MS4A13: variants seen among roughly 807,000 people sequenced by gnomAD.
The protein encoded by MS4A13 is membrane-spanning 4-domains subfamily A member 13.
In MS4A13, 21 loss-of-function variants were observed where a neutral mutation model predicts 18.4. That is an observed-to-expected ratio of 1.14 (90% CI 0.81 to 1.64). MS4A13 has a LOEUF of 1.64. Among genes scored for constraint, MS4A13 ranks in the 40% most tolerant of loss-of-function variants. The pLI is 0.00. For synonymous variants in MS4A13, 62 were observed against 57.2 expected (o/e 1.08, Z -0.38); for missense variants, 173 against 176.8 (o/e 0.98, Z 0.12).
At chr11:60,519,389 T>C (rs894351372) in intron 3 of MS4A13, among the ~76,000 whole-genome samples, 5 of 151,864 alleles carry the variant, frequency 3.3e-5, no homozygotes, top group Non-Finnish European at 7.4e-5. Context: ...TGATAGGATG[T>C]TGGAAGCCTG....
intron 6 of MS4A13, among the ~76,000 whole-genome samples, chr11:60,532,414 C>CG (rs1193768718): frequency 1.3e-5 from 2 of 152,154 alleles, no homozygotes; most frequent in East Asian, 1.9e-4. Context: ...GGGTGACGGA[C>CG]GCACCTGGAA....
rs1287308826 is a variant in MS4A13, at chr11:60,535,363, A to C, written c.402+5903A>C. ...GGATATCACCACCAATCCCACAGAA[A>C]TACAAACTACCATCAGAGAATACTA... is the stretch of plus-strand genomic sequence containing the variant. On this transcript the variant is annotated intron_variant, in intron 6 of 6. Transcript: ENST00000378186. Among the ~76,000 whole-genome samples, 24 of 89,454 alleles carry C rather than the reference A, an allele frequency of 2.7e-4. 1 individual carries two copies. The highest frequency in any genetic ancestry group is 1.1e-3 in the African/African-American group (23 of 20,838). 58.7% of individuals were successfully genotyped at this position (89,454 alleles called of 152,430 possible). A position where few individuals can be genotyped will look rare whatever the true frequency, so the allele number is the denominator to read the frequency against.
intron 3 of MS4A13, among the ~76,000 whole-genome samples, chr11:60,519,764 G>A (rs1272574984): frequency 6.6e-6 from 1 of 152,142 alleles, no homozygotes; most frequent in Non-Finnish European, 1.5e-5. Context: ...AGTGGATATA[G>A]GGCAGTGTTT....
chr11:60,520,937 T>C (rs1590870949), intron 3 of MS4A13, among the ~76,000 whole-genome samples: 1 of 152,244 alleles, frequency 6.6e-6, no homozygotes, highest in Non-Finnish European at 1.5e-5. Context: ...CAGTTCCATA[T>C]ATCCTCTGAA....
intron 6 of MS4A13, among the ~76,000 whole-genome samples, chr11:60,531,281 G>GT (rs1423283800): frequency 1.3e-5 from 2 of 152,170 alleles, no homozygotes; most frequent in African/African-American, 4.8e-5. Flanking sequence ...CACAATACTT[G>GT]TTGGGGCAAA....
intron 2 of MS4A13, among the ~76,000 whole-genome samples, chr11:60,516,376 T>C (rs1183620165): frequency 6.6e-6 from 1 of 152,210 alleles, no homozygotes; most frequent in Non-Finnish European, 1.5e-5. Context: ...AGGATGATTA[T>C]AAATTTGTCT....
chr11:60,542,263 A>G (rs889221247), intron 6 of MS4A13, among the ~76,000 whole-genome samples: 8 of 145,998 alleles, frequency 5.5e-5, no homozygotes, highest in Non-Finnish European at 1.0e-4. Flanking sequence ...AGAAAGAAAG[A>G]AAGAAAAAGG....
intron 6 of MS4A13, among the ~76,000 whole-genome samples, chr11:60,536,417 C>G (rs1297644859): frequency 1.9e-5 from 1 of 51,438 alleles, no homozygotes; most frequent in Non-Finnish European, 4.0e-5. Context: ...AGTGAAATCA[C>G]ATTCACAATT....
intron 6 of MS4A13, among the ~76,000 whole-genome samples, chr11:60,531,947 C>T (rs943973738): frequency 2.0e-5 from 3 of 152,156 alleles, no homozygotes; most frequent in African/African-American, 7.2e-5. Flanking sequence ...ACTGGTATTG[C>T]TAACCACCAC....
chr11:60,538,298 AG>A (rs1215019985), intron 6 of MS4A13, among the ~76,000 whole-genome samples: 1 of 151,902 alleles, frequency 6.6e-6, no homozygotes, highest in African/African-American at 2.4e-5. Flanking sequence ...TGTTGATCAA[AG>A]GCCATACAGT....
intron 6 of MS4A13, among the ~76,000 whole-genome samples, chr11:60,539,503 A>G (rs577615952): frequency 1.8e-4 from 27 of 152,168 alleles, no homozygotes; most frequent in South Asian, 1.0e-3. Context: ...ATACCATCAC[A>G]TGTATAATGG....
chr11:60,517,007 T>TAA (rs541112157), intron 2 of MS4A13, among the ~76,000 whole-genome samples: 33 of 134,580 alleles, frequency 2.5e-4, no homozygotes, highest in Admixed American at 8.9e-4. Context: ...GATAAAACAA[T>TAA]AAAAAAAAAA....
chr11:60,527,445 T>TGTGTGTGTGTGTGTGTG (rs2086726963), intron 5 of MS4A13, among the ~76,000 whole-genome samples: 5 of 149,418 alleles, frequency 3.3e-5, no homozygotes, highest in South Asian at 2.1e-4. Context: ...TGTGTGTGTG[T>TGTGTGTGTGTGTGTGTG]TTCCGTTTCC....
chr11:60,531,998 T>A (rs1006607577), intron 6 of MS4A13, among the ~76,000 whole-genome samples: 38 of 152,298 alleles, frequency 2.5e-4, no homozygotes, highest in Admixed American at 2.4e-3. Context: ...ATTGCTACCA[T>A]ATATTATCTA....
chr11:60,531,449 G>C (rs746634838), intron 6 of MS4A13, among the ~76,000 whole-genome samples: 2 of 152,210 alleles, frequency 1.3e-5, no homozygotes, highest in African/African-American at 4.8e-5. Context: ...GAAGGTCCTA[G>C]TGAGCCCTTG....
chr11:60,530,960 G>C (rs922914008), intron 6 of MS4A13, among the ~76,000 whole-genome samples: 28 of 152,128 alleles, frequency 1.8e-4, no homozygotes, highest in Admixed American at 1.4e-3. Flanking sequence ...TAAGTTTCCT[G>C]AGGTCTCCCA....
At chr11:60,516,119 C>T (rs1386249377) in intron 2 of MS4A13, 35 bp downstream of exon 2, 1 of 152,038 alleles carries the variant, frequency 6.6e-6, no homozygotes, top group African/African-American at 2.4e-5. Context: ...AATTTAAGAT[C>T]ATGAACTATT....
intron 5 of MS4A13, among the ~76,000 whole-genome samples, chr11:60,527,585 C>T (rs775633398): frequency 2.2e-4 from 34 of 152,048 alleles, no homozygotes; most frequent in Non-Finnish European, 4.4e-4. Flanking sequence ...CCTGTAATCC[C>T]AGCACTTTGG....
chr11:60,523,584 A>G (rs767460790), intron 3 of MS4A13, among the ~76,000 whole-genome samples: 15 of 152,250 alleles, frequency 9.9e-5, no homozygotes, highest in Non-Finnish European at 2.1e-4. Flanking sequence ...CAAATGAGTT[A>G]TATATGATGT....
Sources: gnomAD v4.1 joint callset for allele counts (sites outside exome capture counted in the v4.1 genomes callset) on GRCh38, gnomAD v4.1.1 for gene constraint, MANE v1.5 for transcripts, NCBI Gene and HGNC (gene_info 2026-07-23, HGNC 2026-07-21) for gene names.